Variants in KCTD16 observed in about 807,000 individuals in gnomAD.
KCTD16 encodes the protein BTB/POZ domain-containing protein KCTD16.
KCTD16 carries 13 observed loss-of-function variants against 33.2 expected under a neutral mutation model. The ratio of observed to expected loss-of-function variants is 0.39; its 90% CI spans 0.25 to 0.62. KCTD16 has a LOEUF of 0.62. Ranked by LOEUF, KCTD16 falls within the 20% of genes least tolerant of loss-of-function variation. KCTD16 has a pLI of 0.50. For synonymous variants in KCTD16, 197 were observed against 195.3 expected (o/e 1.01, Z -0.07); for missense variants, 441 against 525.1 (o/e 0.84, Z 1.57).
At chr5:144,197,676 T>C (rs757720553) in intron 2 of KCTD16, among the ~76,000 whole-genome samples, 13 of 152,166 alleles carry the variant, frequency 8.5e-5, no homozygotes, top group Non-Finnish European at 1.9e-4. Context: ...AGAAACTATA[T>C]GCCCAAATAA....
chr5:144,218,273 T>G (rs1753626246), intron 3 of KCTD16, among the ~76,000 whole-genome samples: 1 of 150,824 alleles, frequency 6.6e-6, no homozygotes, highest in African/African-American at 2.5e-5. Flanking sequence ...GATATGAAGA[T>G]AGTGAGATAG....
chr5:144,403,363 A>G (rs561947317), intron 3 of KCTD16, among the ~76,000 whole-genome samples: 1 of 152,326 alleles, frequency 6.6e-6, no homozygotes, highest in South Asian at 2.1e-4. Flanking sequence ...TTCTAATAAG[A>G]CAAGGAAAAT....
chr5:144,349,993 A>G (rs1295415321), intron 3 of KCTD16, among the ~76,000 whole-genome samples: 1 of 152,202 alleles, frequency 6.6e-6, no homozygotes, highest in Non-Finnish European at 1.5e-5. Flanking sequence ...CAGGCAGCAG[A>G]ATGCCAAATT....
At chr5:144,376,929 G>A (rs1752106337) in intron 3 of KCTD16, among the ~76,000 whole-genome samples, 1 of 152,220 alleles carries the variant, frequency 6.6e-6, no homozygotes, top group African/African-American at 2.4e-5. Flanking sequence ...TAATTGAGCA[G>A]TCTTTCTGTT....
chr5:144,371,969 C>T (rs1318309631), intron 3 of KCTD16, among the ~76,000 whole-genome samples: 1 of 152,012 alleles, frequency 6.6e-6, no homozygotes, highest in East Asian at 1.9e-4. Context: ...AATTTTTTTA[C>T]TCTGTTATCA....
intron 3 of KCTD16, among the ~76,000 whole-genome samples, chr5:144,278,608 C>T (rs1453278262): frequency 1.3e-5 from 2 of 150,798 alleles, no homozygotes; most frequent in South Asian, 4.2e-4. Flanking sequence ...CGCCATTCTC[C>T]TGCCTCAGCC....
At chr5:144,373,159 C>T (rs1369121323) in intron 3 of KCTD16, among the ~76,000 whole-genome samples, 3 of 152,090 alleles carry the variant, frequency 2.0e-5, no homozygotes, top group Non-Finnish European at 2.9e-5. Flanking sequence ...AAATATTTGA[C>T]AGACAGGAAG....
At chr5:144,329,193 G>C (rs1234377060) in intron 3 of KCTD16, among the ~76,000 whole-genome samples, 2 of 152,142 alleles carry the variant, frequency 1.3e-5, no homozygotes, top group Non-Finnish European at 2.9e-5. Flanking sequence ...GATCAGGCCT[G>C]ACTGGCTCAG....
At chr5:144,222,031 T>C (rs1430120298) in intron 3 of KCTD16, among the ~76,000 whole-genome samples, 2 of 152,258 alleles carry the variant, frequency 1.3e-5, no homozygotes, top group African/African-American at 4.8e-5. Context: ...TGATGAGCTT[T>C]TTTTCATATG....
At chr5:144,460,478 G>GCC (rs1293591896) in intron 3 of KCTD16, among the ~76,000 whole-genome samples, 1 of 152,130 alleles carries the variant, frequency 6.6e-6, no homozygotes, top group East Asian at 1.9e-4. Context: ...GTCTCACTCT[G>GCC]TCACCCAAGC....
intron 3 of KCTD16, among the ~76,000 whole-genome samples, chr5:144,466,802 A>G (rs1051146851): frequency 1.3e-5 from 2 of 151,464 alleles, no homozygotes; most frequent in Non-Finnish European, 2.9e-5. Context: ...TGAGATTATT[A>G]CAAATTCACC....
intron 3 of KCTD16, among the ~76,000 whole-genome samples, chr5:144,325,741 T>C (rs1017166791): frequency 2.0e-5 from 3 of 152,082 alleles, no homozygotes; most frequent in Non-Finnish European, 4.4e-5. Context: ...ACCAGTACTT[T>C]CCCCAGCAAA....
chr5:144,449,067 C>T (rs79195182), intron 3 of KCTD16, among the ~76,000 whole-genome samples: 3 of 151,926 alleles, frequency 2.0e-5, no homozygotes, highest in African/African-American at 7.2e-5. Context: ...GTGTTCTTCT[C>T]TGACTTTTCT....
chr5:144,211,688 A>C (rs924008009), intron 3 of KCTD16, among the ~76,000 whole-genome samples: 3 of 152,178 alleles, frequency 2.0e-5, no homozygotes, highest in Non-Finnish European at 4.4e-5. Context: ...ATTTTGAGTA[A>C]GGGATATTCA....
chr5:144,423,234 T>A (rs1580953028), intron 3 of KCTD16, among the ~76,000 whole-genome samples: 1 of 152,240 alleles, frequency 6.6e-6, no homozygotes, highest in African/African-American at 2.4e-5. Context: ...ACCGGTCACA[T>A]AAGATTACAT....
intron 3 of KCTD16, among the ~76,000 whole-genome samples, chr5:144,294,013 G>T (rs1347555892): frequency 1.3e-5 from 2 of 152,046 alleles, no homozygotes; most frequent in African/African-American, 4.8e-5. Flanking sequence ...ACAAAAACTA[G>T]CCAGGTGTGG....
chr5:144,291,362 G>A (rs1755891601), intron 3 of KCTD16, among the ~76,000 whole-genome samples: 1 of 152,090 alleles, frequency 6.6e-6, no homozygotes, highest in South Asian at 2.1e-4. Context: ...TGTTCCCTGT[G>A]ATTTCTTCCT....
intron 3 of KCTD16, among the ~76,000 whole-genome samples, chr5:144,390,632 C>T (rs1752427715): frequency 1.3e-5 from 2 of 151,982 alleles, no homozygotes; most frequent in Admixed American, 6.6e-5. Flanking sequence ...CACCCTTCAA[C>T]CTGTCATCTA....
At chr5:144,222,108 G>A (rs1244019630) in intron 3 of KCTD16, among the ~76,000 whole-genome samples, 1 of 151,806 alleles carries the variant, frequency 6.6e-6, no homozygotes, top group African/African-American at 2.4e-5. Context: ...TTTTGATGGG[G>A]TTGTTTGTTT....
Sources: allele counts gnomAD v4.1 joint callset (sites outside exome capture counted in the v4.1 genomes callset), GRCh38; gene constraint gnomAD v4.1.1; transcripts MANE v1.5; gene names NCBI Gene and HGNC (gene_info 2026-07-23, HGNC 2026-07-21).